PRKCB: variants seen among roughly 807,000 people sequenced by gnomAD.
PRKCB encodes the protein protein kinase C beta.
Under a neutral mutation model 81.5 loss-of-function variants are expected in PRKCB, and 13 were observed. The ratio of observed to expected loss-of-function variants is 0.16; its 90% CI spans 0.10 to 0.25. PRKCB has a LOEUF of 0.25. Among genes scored for constraint, PRKCB ranks in the 10% least tolerant of loss-of-function variants. PRKCB has a pLI of 1.00. For synonymous variants in PRKCB, 335 were observed against 321.4 expected (o/e 1.04, Z -0.45); for missense variants, 509 against 875.7 (o/e 0.58, Z 5.29).
At chr16:23,894,592 A>G (rs1963344318) in intron 2 of PRKCB, among the ~76,000 whole-genome samples, 1 of 152,210 alleles carries the variant, frequency 6.6e-6, no homozygotes. Flanking sequence ...TCCAGGTGCA[A>G]GCGCCTGCAT....
At position 24,217,018 on chromosome 16, in the gene PRKCB, G is replaced by A; in HGVS notation, c.*2202G>A. ...ATGCTCTCAGGAAGATAAAAACCAT[G>A]GAGAAACACTAGGCCATTGACAAAT... On this transcript the variant is annotated 3_prime_UTR_variant, in exon 17 of 17. Transcript: ENST00000643927. 1.0e-6 allele frequency: 1 copy of A among 984,750 alleles called. No individual in the cohort carries two copies. Among genetic ancestry groups the A allele is most frequent in the Non-Finnish European group, 1.2e-6 (1 of 829,860 alleles). The allele number at this position is 984,750 out of a possible 1,614,324, so 61.0% of individuals were successfully genotyped here.
intron 5 of PRKCB, among the ~76,000 whole-genome samples, chr16:24,079,241 C>T (rs990315189): frequency 6.6e-6 from 1 of 152,180 alleles, no homozygotes; most frequent in Non-Finnish European, 1.5e-5. Flanking sequence ...ACTCAGCCTG[C>T]CTGCACCCAG....
chr16:23,909,428 G>A (rs911376730), intron 2 of PRKCB, among the ~76,000 whole-genome samples: 5 of 152,116 alleles, frequency 3.3e-5, no homozygotes, highest in South Asian at 2.1e-4. Context: ...GTATTCTCAC[G>A]TGGCAGAGAG....
intron 3 of PRKCB, among the ~76,000 whole-genome samples, chr16:24,021,056 T>TTCTTTCCCTCCC (rs1965368173): frequency 8.5e-5 from 4 of 47,194 alleles, no homozygotes; most frequent in Non-Finnish European, 1.6e-4. Context: ...CTTTCTTTCT[T>TTCTTTCCCTCCC]TCCCTCCCTC....
chr16:24,170,686 T>C (rs1967428627), intron 10 of PRKCB, among the ~76,000 whole-genome samples: 1 of 152,252 alleles, frequency 6.6e-6, no homozygotes, highest in African/African-American at 2.4e-5. Context: ...GAGGTTCTAC[T>C]ATTATCTCCT....
At chr16:24,121,970 G>A (rs966516955) in intron 8 of PRKCB, among the ~76,000 whole-genome samples, 1 of 152,182 alleles carries the variant, frequency 6.6e-6, no homozygotes, top group Admixed American at 6.5e-5. Flanking sequence ...GGAAACAGTG[G>A]AAAGCAAAAC....
intron 9 of PRKCB, among the ~76,000 whole-genome samples, chr16:24,138,877 C>T (rs1425637757): frequency 8.7e-6 from 1 of 114,686 alleles, no homozygotes; most frequent in Admixed American, 1.2e-4. Flanking sequence ...TTTTGAGACA[C>T]AGTCTTGCTC....
At chr16:23,949,507 C>T (rs1178625158) in intron 2 of PRKCB, among the ~76,000 whole-genome samples, 1 of 152,234 alleles carries the variant, frequency 6.6e-6, no homozygotes, top group Non-Finnish European at 1.5e-5. Flanking sequence ...TTCCTCCGTT[C>T]TGCCCCTCTT....
intron 9 of PRKCB, among the ~76,000 whole-genome samples, chr16:24,146,979 C>A (rs911587802): frequency 6.6e-6 from 1 of 152,138 alleles, no homozygotes; most frequent in Non-Finnish European, 1.5e-5. Context: ...AGGGCAATGG[C>A]TACTTTTCTG....
intron 3 of PRKCB, among the ~76,000 whole-genome samples, chr16:24,003,838 A>G (rs2141832550): frequency 1.3e-5 from 2 of 152,288 alleles, no homozygotes; most frequent in East Asian, 3.9e-4. Flanking sequence ...TGAAGGAGAA[A>G]CTTTGATGCG....
chr16:24,010,177 G>A (rs911577800), intron 3 of PRKCB, among the ~76,000 whole-genome samples: 4 of 152,150 alleles, frequency 2.6e-5, no homozygotes, highest in African/African-American at 9.7e-5. Flanking sequence ...AATGAGTGAC[G>A]TGTGTGACCA....
intron 9 of PRKCB, among the ~76,000 whole-genome samples, chr16:24,147,728 G>A (rs1027312907): frequency 6.6e-6 from 1 of 152,168 alleles, no homozygotes; most frequent in African/African-American, 2.4e-5. Flanking sequence ...AGGGACAGGT[G>A]ACTAGGTGTC....
At chr16:24,129,767 A>G (rs169144) in intron 9 of PRKCB, among the ~76,000 whole-genome samples, 54,935 of 152,086 alleles carry the variant, frequency 0.36, 10,056 homozygotes, top group South Asian at 0.47. Flanking sequence ...AACATATCAA[A>G]TAAAAATAAA....
chr16:24,218,292 T>C lies in PRKCB; in HGVS notation c.*3476T>C. ...ACAGACAATATTAAAGAGGAGGCAT[T>C]CGAGCTTTGTTGTGAACACCGGAAG... On this transcript the variant is annotated 3_prime_UTR_variant, in exon 17 of 17. Transcript: ENST00000643927. 1 of 985,182 alleles carries C rather than the reference T, an allele frequency of 1.0e-6. No homozygotes were observed. The highest frequency in any genetic ancestry group is 1.2e-6 in the Non-Finnish European group (1 of 829,890). 61.0% of individuals were successfully genotyped at this position (985,182 alleles called of 1,614,324 possible).
chr16:24,000,941 C>T lies in PRKCB; in HGVS notation c.288+12351C>T, dbSNP rs957976930. 1.8e-4 allele frequency among the ~76,000 whole-genome samples: 27 copies of T among 151,904 alleles called. 1 individual carries two copies. Among genetic ancestry groups the T allele is most frequent in the African/African-American group, 6.3e-4 (26 of 41,362 alleles). Reference sequence around the variant, plus strand: ...GGAAAATAACTTTAAGTTCTGTGACCCTCAGTTTATGTCTTTAAAATAGAG... The same window carrying T: ...GGAAAATAACTTTAAGTTCTGTGACTCTCAGTTTATGTCTTTAAAATAGAG... On this transcript the variant is annotated intron_variant, in intron 3 of 16. Coordinates refer to ENST00000643927, the MANE Select transcript of PRKCB (RefSeq NM_002738.7).
chr16:24,179,485 C>A (rs901036965), intron 12 of PRKCB, among the ~76,000 whole-genome samples: 1 of 152,200 alleles, frequency 6.6e-6, no homozygotes, highest in African/African-American at 2.4e-5. Flanking sequence ...CTATTAGGAC[C>A]GATCCATCTC....
chr16:23,948,320 G>T (rs73538902), intron 2 of PRKCB, among the ~76,000 whole-genome samples: 3,576 of 152,116 alleles, frequency 0.024, 144 homozygotes, highest in African/African-American at 0.082. Flanking sequence ...TGTCTTTCCT[G>T]GTTAAACTGG....
rs1359470631 is a variant in PRKCB, at chr16:23,836,222, G to T, written c.47G>T (p.Ser16Ile). 6.3e-7 allele frequency: 1 copy of T among 1,598,152 alleles called. No individual in the cohort carries two copies. Among genetic ancestry groups the T allele is most frequent in the African/African-American group, 1.4e-5 (1 of 71,812 alleles). ...AGPPPSEGEE[S>I]TVRFARKGAL... ...CCGCCGCCGAGCGAGGGCGAGGAGAGCACCGTGCGCTTCGCCCGCAAAGGC... is the reference window on the plus strand; with the variant it reads ...CCGCCGCCGAGCGAGGGCGAGGAGATCACCGTGCGCTTCGCCCGCAAAGGC... Residue 16 changes from serine to isoleucine, a missense_variant, in exon 1 of 17, where the codon AGC becomes ATC. Coordinates refer to ENST00000643927, the MANE Select transcript of PRKCB (RefSeq NM_002738.7).
At position 24,214,665 on chromosome 16, in the gene PRKCB, G is replaced by A. The variant is rs374654582; in HGVS notation, c.1871G>A (p.Arg624Gln). 1.3e-5 allele frequency: 21 copies of A among 1,613,690 alleles called. No individual in the cohort carries two copies. The highest frequency in any genetic ancestry group is 1.2e-5 in the Non-Finnish European group (14 of 1,179,876). ...TTTCTTCCCCTCTCATAGTGTGGGC[G>A]AAATGCTGAAAACTTCGACCGATTT... The part of the protein sequence containing the change: ...QPPYKPKACG[R>Q]NAENFDRFFT... Residue 624 changes from arginine to glutamine, a missense_variant, in exon 17 of 17, where the codon CGA (arginine) becomes CAA (glutamine). Around this residue, in one of 6 missense-constraint regions of PRKCB, gnomAD observed 104 missense variants for 160.5 expected, o/e 0.65. Coordinates refer to ENST00000643927, the MANE Select transcript of PRKCB (RefSeq NM_002738.7).
Sources: allele counts gnomAD v4.1 joint callset (sites outside exome capture counted in the v4.1 genomes callset), GRCh38; gene constraint gnomAD v4.1.1; regional missense constraint gnomAD v4.1.1; transcripts MANE v1.5; gene names NCBI Gene and HGNC (gene_info 2026-07-23, HGNC 2026-07-21).